Variants in LRRC37A2 observed in about 807,000 individuals in gnomAD.
The protein encoded by LRRC37A2 is leucine rich repeat containing 37 member A2.
In LRRC37A2, 9 loss-of-function variants were observed where a neutral mutation model predicts 68.8. The ratio of observed to expected loss-of-function variants is 0.13; its 90% CI spans 0.08 to 0.23. The LOEUF (loss-of-function observed/expected upper bound fraction) is 0.23, where lower values mean the gene tolerates loss of function less well. LRRC37A2 is among the 10% of genes least tolerant of loss of function. The probability of loss-of-function intolerance (pLI) is 1.00; values close to 1 mark genes in which losing one functional copy is unlikely to be tolerated. For synonymous variants in LRRC37A2, 63 were observed against 367.6 expected (o/e 0.17, Z 9.48); for missense variants, 168 against 950.4 (o/e 0.18, Z 10.82).
chr17:46,605,390 G>C, the LRRC37A2 span, among the ~76,000 whole-genome samples: 3 of 136,322 alleles, frequency 2.2e-5, no homozygotes, highest in East Asian at 6.2e-4. Flanking sequence ...GGAGGTTGCA[G>C]TGAGCCGAGA....
At chr17:47,022,385 G>C in the LRRC37A2 span, among the ~76,000 whole-genome samples, 2 of 149,002 alleles carry the variant, frequency 1.3e-5, no homozygotes, top group Non-Finnish European at 3.0e-5. Context: ...GCTTAGGCTG[G>C]TCTTGAACTC....
At chr17:46,819,134 G>A in the LRRC37A2 span, among the ~76,000 whole-genome samples, 1 of 152,192 alleles carries the variant, frequency 6.6e-6, no homozygotes, top group African/African-American at 2.4e-5. The surrounding 1 kb of genome is among the most constrained non-coding windows in gnomAD (Gnocchi z 5.3). Context: ...AGAAAGCACA[G>A]GGATGTTTCC....
chr17:47,013,485 A>G, the LRRC37A2 span, among the ~76,000 whole-genome samples: 1 of 152,178 alleles, frequency 6.6e-6, no homozygotes, highest in African/African-American at 2.4e-5. Context: ...AATTTCTGGT[A>G]CAACAAGAAT....
chr17:46,906,998 G>A, the LRRC37A2 span, among the ~76,000 whole-genome samples: 2 of 152,228 alleles, frequency 1.3e-5, no homozygotes, highest in Non-Finnish European at 2.9e-5. Flanking sequence ...GGTCAGACTA[G>A]TATAAGTTGT....
chr17:46,901,689 G>A, the LRRC37A2 span, among the ~76,000 whole-genome samples: 1 of 152,132 alleles, frequency 6.6e-6, no homozygotes, highest in African/African-American at 2.4e-5. Flanking sequence ...CAAGCAATAG[G>A]TCTAGTCTGA....
At chr17:47,024,768 T>G in the LRRC37A2 span, 1 of 777,954 alleles carries the variant, frequency 1.3e-6, no homozygotes, top group Non-Finnish European at 2.3e-6. Context: ...TAGTTAATTA[T>G]ATTTATGAGT....
the LRRC37A2 span, chr17:46,476,790 G>A: frequency 0.2 from 76,447 of 383,770 alleles, 26,377 homozygotes; most frequent in Middle Eastern, 0.3. Context: ...GATGAGAAAG[G>A]CCGACTACAG....
chr17:46,391,710 G>GT, the LRRC37A2 span, among the ~76,000 whole-genome samples: 1 of 27,534 alleles, frequency 3.6e-5, no homozygotes, highest in Admixed American at 4.8e-4. Context: ...GGTTTATGGT[G>GT]TTTTATGTGT....
chr17:46,928,895 TG>T, the LRRC37A2 span, among the ~76,000 whole-genome samples: 1 of 152,174 alleles, frequency 6.6e-6, no homozygotes, highest in Non-Finnish European at 1.5e-5. Flanking sequence ...ATAACTTACC[TG>T]GTTTCTCTTT....
chr17:46,919,825 T>C, the LRRC37A2 span, among the ~76,000 whole-genome samples: 1 of 152,216 alleles, frequency 6.6e-6, no homozygotes, highest in South Asian at 2.1e-4. Flanking sequence ...TGGGTGCCTG[T>C]AATCCTAGCT....
chr17:46,735,624 G>A, the LRRC37A2 span, among the ~76,000 whole-genome samples: 1 of 152,122 alleles, frequency 6.6e-6, no homozygotes, highest in African/African-American at 2.4e-5. Flanking sequence ...AAGATAATGT[G>A]TAGTGAAGCC....
the LRRC37A2 span, among the ~76,000 whole-genome samples, chr17:47,015,704 T>G: frequency 6.6e-6 from 1 of 152,224 alleles, no homozygotes; most frequent in African/African-American, 2.4e-5. Flanking sequence ...GAACTTAACT[T>G]GGGGCTACAG....
At chr17:46,850,143 C>A in the LRRC37A2 span, among the ~76,000 whole-genome samples, 3 of 152,300 alleles carry the variant, frequency 2.0e-5, no homozygotes, top group Non-Finnish European at 4.4e-5. Flanking sequence ...AGCCAACGTG[C>A]CTGGCCAGCA....
At chr17:46,776,567 G>T in the LRRC37A2 span, among the ~76,000 whole-genome samples, 1 of 152,136 alleles carries the variant, frequency 6.6e-6, no homozygotes, top group African/African-American at 2.4e-5. Flanking sequence ...AGAGGTCCCC[G>T]TTGAGCCTCC....
chr17:46,738,865 G>A, the LRRC37A2 span, among the ~76,000 whole-genome samples: 1 of 152,274 alleles, frequency 6.6e-6, no homozygotes, highest in East Asian at 1.9e-4. Flanking sequence ...ACTTTGGGAG[G>A]CCAAGGCAGG....
the LRRC37A2 span, among the ~76,000 whole-genome samples, chr17:46,685,409 A>G: frequency 6.6e-6 from 1 of 151,724 alleles, no homozygotes; most frequent in African/African-American, 2.4e-5. Flanking sequence ...CAGGATATAT[A>G]TGTGTGTTAC....
the LRRC37A2 span, chr17:46,885,217 G>T: frequency 6.8e-5 from 21 of 307,396 alleles, no homozygotes; most frequent in African/African-American, 4.8e-4. Flanking sequence ...TGTTGGTCAG[G>T]CTGGTCTCGA....
At chr17:46,979,286 C>T in the LRRC37A2 span, 3 of 276,278 alleles carry the variant, frequency 1.1e-5, no homozygotes, top group Non-Finnish European at 2.1e-5. Flanking sequence ...TCCTCGCGCG[C>T]CTGGCCGCCC....
chr17:46,661,378 T>TTATTATTATTATTA, the LRRC37A2 span, among the ~76,000 whole-genome samples: 1 of 106,564 alleles, frequency 9.4e-6, no homozygotes, highest in African/African-American at 4.4e-5. Context: ...TACATTTCTT[T>TTATTATTATTATTA]TTATTATTAT....
Sources: gnomAD v4.1 joint callset for allele counts (sites outside exome capture counted in the v4.1 genomes callset) on GRCh38, gnomAD v4.1.1 for gene constraint, Gnocchi (gnomAD v3.1) non-coding constraint, MANE v1.5 for transcripts, NCBI Gene and HGNC (gene_info 2026-07-23, HGNC 2026-07-21) for gene names.